Variants in GRID1 observed in about 807,000 individuals in gnomAD.
GRID1 encodes the protein glutamate ionotropic receptor delta type subunit 1, also known as glutamate receptor ionotropic, delta-1.
In GRID1, 28 loss-of-function variants were observed where a neutral mutation model predicts 98.0. The observed-to-expected ratio is 0.29, with a 90% confidence interval of 0.21 to 0.39. The LOEUF (loss-of-function observed/expected upper bound fraction) is 0.39. GRID1 is among the 10% of genes least tolerant of loss of function. The pLI, the probability that GRID1 is intolerant of heterozygous loss-of-function variation, is 1.00. For synonymous variants in GRID1, 553 were observed against 538.5 expected, an observed-to-expected ratio of 1.03 and a Z score of -0.37; for missense variants, 1,111 against 1,340.5, an observed-to-expected ratio of 0.83 and a Z score of 2.67.
At chr10:86,179,390 A>G (rs1377656523) in intron 3 of GRID1, among the ~76,000 whole-genome samples, 2 of 152,058 alleles carry the variant, frequency 1.3e-5, no homozygotes, top group Non-Finnish European at 2.9e-5. Flanking sequence ...GCTCTCCCCG[A>G]TGGCGTGCCA....
chr10:85,670,975 T>G (rs1023932400), intron 12 of GRID1, among the ~76,000 whole-genome samples: 2 of 152,184 alleles, frequency 1.3e-5, no homozygotes, highest in African/African-American at 4.8e-5. Flanking sequence ...GAGAATGCCA[T>G]CAGGCAATCC....
chr10:86,207,701 G>A (rs963600986), intron 2 of GRID1, among the ~76,000 whole-genome samples: 5 of 134,388 alleles, frequency 3.7e-5, no homozygotes, highest in South Asian at 4.8e-4. Flanking sequence ...GCGCGATCTC[G>A]ACTCACTGCA....
chr10:85,936,399 C>T lies in GRID1; in HGVS notation c.727-20160G>A, dbSNP rs75596541. The stretch of plus-strand genomic sequence containing the variant: ...AGCCAGAGCTGATATAAGAGGCAGC[C>T]ACATGAATCGCATTTGCATTGTTTG... On this transcript the variant is annotated intron_variant, in intron 4 of 15. Transcript: ENST00000327946. Among the ~76,000 whole-genome samples, 1,408 of 152,184 alleles carry T rather than the reference C, an allele frequency of 9.3e-3. 21 individuals carry two copies. The highest frequency in any genetic ancestry group is 0.031 in the African/African-American group (1,304 of 41,514).
intron 4 of GRID1, among the ~76,000 whole-genome samples, chr10:86,062,282 A>G (rs1055958809): frequency 6.6e-6 from 1 of 152,064 alleles, no homozygotes; most frequent in African/African-American, 2.4e-5. Context: ...ACACACAGAC[A>G]CACACACACG....
chr10:85,730,252 G>T (rs1841808015), intron 8 of GRID1, among the ~76,000 whole-genome samples: 1 of 152,216 alleles, frequency 6.6e-6, no homozygotes, highest in South Asian at 2.1e-4. Context: ...ATAGCCAGAG[G>T]CATCTCTGAT....
At chr10:85,823,996 C>T (rs991606703) in intron 8 of GRID1, among the ~76,000 whole-genome samples, 1 of 151,434 alleles carries the variant, frequency 6.6e-6, no homozygotes, top group Admixed American at 6.6e-5. Flanking sequence ...GGAAAGGATC[C>T]CAGAGAAAAG....
At chr10:86,172,795 C>T (rs1234140387) in intron 3 of GRID1, among the ~76,000 whole-genome samples, 1 of 152,064 alleles carries the variant, frequency 6.6e-6, no homozygotes, top group East Asian at 1.9e-4. Flanking sequence ...ATAAAAAGCA[C>T]ACAAGATTCC....
At chr10:86,254,681 G>A (rs1260387133) in intron 2 of GRID1, among the ~76,000 whole-genome samples, 1 of 152,230 alleles carries the variant, frequency 6.6e-6, no homozygotes, top group African/African-American at 2.4e-5. Flanking sequence ...CACAATGGCA[G>A]GCAGGGCCCA....
intron 2 of GRID1, among the ~76,000 whole-genome samples, chr10:86,297,542 A>G (rs183913256): frequency 4.7e-4 from 72 of 152,346 alleles, no homozygotes; most frequent in African/African-American, 1.6e-3. Flanking sequence ...AAATTTATCT[A>G]TTCCTTGGAG....
intron 4 of GRID1, among the ~76,000 whole-genome samples, chr10:86,071,439 T>C (rs964560138): frequency 2.6e-5 from 4 of 152,220 alleles, no homozygotes; most frequent in African/African-American, 9.7e-5. Flanking sequence ...TCCACAAAAC[T>C]GCGTCCACAA....
At chr10:86,108,941 C>A (rs928248755) in intron 4 of GRID1, among the ~76,000 whole-genome samples, 2 of 152,122 alleles carry the variant, frequency 1.3e-5, no homozygotes, top group African/African-American at 4.8e-5. Flanking sequence ...CCTCTCCGAG[C>A]CCCTCCCCAA....
intron 13 of GRID1, among the ~76,000 whole-genome samples, chr10:85,629,605 T>C (rs1842953124): frequency 6.6e-6 from 1 of 152,266 alleles, no homozygotes; most frequent in Admixed American, 6.5e-5. Flanking sequence ...TGCATAAATA[T>C]ACATATATAT....
intron 2 of GRID1, among the ~76,000 whole-genome samples, chr10:86,341,266 G>A (rs1351594711): frequency 6.6e-6 from 1 of 152,126 alleles, no homozygotes; most frequent in Non-Finnish European, 1.5e-5. Flanking sequence ...AGTGCTTCTA[G>A]AGATAGCAAG....
intron 2 of GRID1, among the ~76,000 whole-genome samples, chr10:86,354,395 G>A (rs1055103981): frequency 1.3e-5 from 2 of 152,220 alleles, no homozygotes; most frequent in African/African-American, 4.8e-5. Context: ...AAGAACGAAT[G>A]CCTGCTGAGC....
At chr10:85,853,292 A>G (rs1475218153) in intron 8 of GRID1, among the ~76,000 whole-genome samples, 1 of 152,020 alleles carries the variant, frequency 6.6e-6, no homozygotes, top group Non-Finnish European at 1.5e-5. Context: ...CTCTCCCTCC[A>G]CTGCTTCTAG....
intron 8 of GRID1, among the ~76,000 whole-genome samples, chr10:85,841,313 C>T (rs1842959606): frequency 6.6e-6 from 1 of 152,200 alleles, no homozygotes; most frequent in Middle Eastern, 3.4e-3. Flanking sequence ...TCCTTCCTTT[C>T]ACCATACACA....
intron 5 of GRID1, among the ~76,000 whole-genome samples, chr10:85,881,201 A>C (rs935527620): frequency 2.0e-5 from 3 of 152,356 alleles, no homozygotes; most frequent in Non-Finnish European, 4.4e-5. Context: ...ATACTGCCCA[A>C]GGTAATTTAT....
Position 86,298,500 on chromosome 10 carries a change from G to A in GRID1, c.235+65441C>T, listed in dbSNP as rs1589441320. 4.6e-5 allele frequency among the ~76,000 whole-genome samples: 7 copies of A among 152,294 alleles called. No homozygotes were observed. The East Asian group carries it at 1.2e-3, about 25-fold the overall frequency. ...ACTCCCTGCACTCCAGAACCCCTGT[G>A]CTGGGGGTGTGGGGCTATGGGCAGC... is the stretch of plus-strand genomic sequence containing the variant. On this transcript the variant is annotated intron_variant, in intron 2 of 15. Transcript: ENST00000327946.
In GRID1 at chr10:85,916,930, G is replaced by T. The variant is rs1032209703; in HGVS notation, c.727-691C>A. On this transcript the variant is annotated intron_variant, in intron 4 of 15. Transcript: ENST00000327946. The surrounding 1 kb of genome is among the most constrained non-coding windows in gnomAD (Gnocchi z 4.0). ...CTATCTCCTCTGCCATTATGTCAAA[G>T]GCCATATCTCCTAGGTCACAGCTGT... Among the ~76,000 whole-genome samples, 1 of 152,114 alleles carries T rather than the reference G, an allele frequency of 6.6e-6. No homozygotes were observed. The highest frequency in any genetic ancestry group is 2.4e-5 in the African/African-American group (1 of 41,394).
Sources: gnomAD v4.1 joint callset for allele counts (sites outside exome capture counted in the v4.1 genomes callset) on GRCh38, gnomAD v4.1.1 for gene constraint, Gnocchi (gnomAD v3.1) non-coding constraint, MANE v1.5 for transcripts, NCBI Gene and HGNC (gene_info 2026-07-23, HGNC 2026-07-21) for gene names.